TEP1: variants seen among roughly 807,000 people sequenced by gnomAD.
TEP1 encodes the protein telomerase associated protein 1.
A neutral mutation model predicts 306.3 loss-of-function variants in TEP1; 241 were observed. The observed-to-expected ratio is 0.79, with a 90% CI of 0.71 to 0.88. The LOEUF (loss-of-function observed/expected upper bound fraction) is 0.88, where lower values mean the gene tolerates loss of function less well. Among genes scored for constraint, TEP1 ranks in the 40% least tolerant of loss-of-function variants. TEP1 has a pLI of 0.00. For missense variants in TEP1, 3,051 were observed against 3,276.1 expected, an observed-to-expected ratio of 0.93 and a Z score of 1.68; for synonymous variants, 1,289 against 1,305.5, an observed-to-expected ratio of 0.99 and a Z score of 0.27.
rs1205212924 is a variant in TEP1, at chr14:20,381,444, C to T, written c.4559-43G>A. 1 of 1,613,194 alleles carries T rather than the reference C, an allele frequency of 6.2e-7. No homozygotes were observed. The highest frequency in any genetic ancestry group is 8.5e-7 in the Non-Finnish European group (1 of 1,179,762). ...GAGAAAGGCTCAGCCCTGCATCATT[C>T]CCAAGGGCAGTAGGTGAGCTGGCCA... On this transcript the variant is annotated intron_variant, in intron 31 of 54. Coordinates refer to ENST00000262715, the MANE Select transcript of TEP1 (RefSeq NM_007110.5). This position sits in a 1 kb window ranked among gnomAD's most constrained non-coding sequence, Gnocchi z 4.0.
intron 17 of TEP1, 75 bp downstream of exon 17, chr14:20,389,163 T>C: frequency 1.6e-6 from 2 of 1,218,960 alleles, no homozygotes; most frequent in East Asian, 2.4e-5. Context: ...AAAAAAAAAG[T>C]GACTGGAGTA....
chr14:20,399,632 TAAAAA>T (rs71416944), intron 9 of TEP1, among the ~76,000 whole-genome samples: 3 of 78,598 alleles, frequency 3.8e-5, no homozygotes, highest in South Asian at 4.5e-4. Flanking sequence ...CCCTGTTTCT[TAAAAA>T]AAAAAAAAAA....
rs1301305656 is a variant in TEP1, at chr14:20,381,236, TG to T, written c.4647+76del. 1.4e-6 allele frequency: 2 copies of T among 1,447,132 alleles called. No homozygotes were observed. Among genetic ancestry groups the T allele is most frequent in the Non-Finnish European group, 1.9e-6 (2 of 1,028,786 alleles). The allele number at this position is 1,447,132 out of a possible 1,614,324, so 89.6% of individuals were successfully genotyped here. ...GTAATGGCGGCGGTGATGGTGGAGATGGTAACGGGGAGAGGGGTCTCAGAGC... is the reference window on the plus strand; with the variant it reads ...GTAATGGCGGCGGTGATGGTGGAGATGTAACGGGGAGAGGGGTCTCAGAGC... On this transcript the variant is annotated intron_variant, in intron 32 of 54. Transcript: ENST00000262715. This position sits in a 1 kb window ranked among gnomAD's most constrained non-coding sequence, Gnocchi z 4.0.
chr14:20,387,486 A>G (rs1877294019), intron 18 of TEP1, among the ~76,000 whole-genome samples: 1 of 149,956 alleles, frequency 6.7e-6, no homozygotes, highest in Non-Finnish European at 1.5e-5. Flanking sequence ...CAGGAGGCAG[A>G]GCTTGCAGTG....
In TEP1 at chr14:20,380,884, A is replaced by G. The variant is rs765792099; in HGVS notation, c.4762+47T>C. On this transcript the variant is annotated intron_variant, in intron 33 of 54. Transcript: ENST00000262715. Reference sequence around the variant, plus strand: ...GAGCAGGGCCCCCATAAGCACACCCAGGAGTCCCATATCTCAGAGAAGAAC... The same window carrying G: ...GAGCAGGGCCCCCATAAGCACACCCGGGAGTCCCATATCTCAGAGAAGAAC... The G allele has an allele frequency of 4.6e-6, 7 of 1,510,912 alleles. No individual in the cohort carries two copies. In the Admixed American group the frequency reaches 6.7e-5, roughly 14 times the overall value. 93.6% of individuals were successfully genotyped at this position (1,510,912 alleles called of 1,614,324 possible). A position where few individuals can be genotyped will look rare whatever the true frequency, so the allele number is the denominator to read the frequency against.
chr14:20,387,551 C>CAATAAAAAAAAAAAAAAAAAAAA (rs1877303735), intron 18 of TEP1, among the ~76,000 whole-genome samples: 1 of 127,704 alleles, frequency 7.8e-6, no homozygotes, highest in Non-Finnish European at 1.7e-5. Context: ...GACTCCGTCT[C>CAATAAAAAAAAAAAAAAAAAAAA]AAAAAAAAAA....
chr14:20,370,870 A>T (rs1314093833), intron 51 of TEP1, among the ~76,000 whole-genome samples: 1 of 152,252 alleles, frequency 6.6e-6, no homozygotes, highest in African/African-American at 2.4e-5. Context: ...CTATTAAGTA[A>T]CTGCTAAGTA....
intron 33 of TEP1, 66 bp downstream of exon 33, chr14:20,380,865 G>A: frequency 2.9e-6 from 4 of 1,361,824 alleles, no homozygotes; most frequent in Admixed American, 3.5e-5. Flanking sequence ...CCCTGAGCAG[G>A]GCCCCCATAA....
intron 20 of TEP1, 148 bp from the exon 21 acceptor site, chr14:20,385,257 G>GT (rs1193160516): frequency 1.1e-6 from 1 of 951,498 alleles, no homozygotes; most frequent in Non-Finnish European, 1.5e-6. Context: ...AATAGCTAAT[G>GT]TTTTTTATTT....
At chr14:20,370,731 T>G (rs951424539) in intron 51 of TEP1, among the ~76,000 whole-genome samples, 1 of 152,218 alleles carries the variant, frequency 6.6e-6, no homozygotes, top group Non-Finnish European at 1.5e-5. Flanking sequence ...AGCATAGGCT[T>G]TAGTAGATAA....
intron 7 of TEP1, 74 bp from the exon 8 acceptor site, chr14:20,401,655 T>C (rs1006958518): frequency 5.7e-6 from 9 of 1,581,096 alleles, no homozygotes; most frequent in South Asian, 4.7e-5. Context: ...ATAAAGCAGA[T>C]TGTAAGACCA....
chr14:20,408,682 A>C (rs1186579385), intron 1 of TEP1, among the ~76,000 whole-genome samples: 1 of 152,176 alleles, frequency 6.6e-6, no homozygotes, highest in Non-Finnish European at 1.5e-5. Context: ...AGAAATTAAG[A>C]AAAGGCCAGG....
At chr14:20,376,312 A>T (rs772412060) in intron 41 of TEP1, 48 bp from the exon 42 acceptor site, 2 of 1,586,526 alleles carry the variant, frequency 1.3e-6, no homozygotes, top group East Asian at 4.5e-5. Flanking sequence ...AGAGGAAGCC[A>T]GACAGGCCCT....
chr14:20,394,752 C>T (rs1483879537), intron 12 of TEP1, among the ~76,000 whole-genome samples: 2 of 152,152 alleles, frequency 1.3e-5, no homozygotes, highest in African/African-American at 4.8e-5. Flanking sequence ...CCTCGGCCTC[C>T]CAAAGTTCTG....
Position 20,382,367 on chromosome 14 carries a change from G to T in TEP1, c.4141-11C>A, listed in dbSNP as rs377744214. ...GAGTCTCTCAGACACCTAGGATGGC[G>T]GGAGGACAGCCTTGTTCAGTGCAGT... On this transcript the variant is annotated splice_polypyrimidine_tract_variant and intron_variant, in intron 28 of 54. Transcript: ENST00000262715. 16 of 1,600,746 alleles carry T rather than the reference G, an allele frequency of 1.0e-5. No homozygotes were observed. The highest frequency in any genetic ancestry group is 1.7e-5 in the Admixed American group (1 of 59,096).
chr14:20,383,633 C>CATGT lies in TEP1; in HGVS notation c.3721_3722insACAT (p.Trp1241TyrfsTer14), dbSNP rs760943517. 7.4e-6 allele frequency: 12 copies of CATGT among 1,613,492 alleles called. No homozygotes were observed. Among genetic ancestry groups the CATGT allele is most frequent in the Middle Eastern group, 1.6e-4 (1 of 6,062 alleles). ...GGGCAGCAGCCTCTGCTGCAGCTCC[C>CATGT]ACACCAGGCTTCTGTACATGGAGAG... On this transcript the variant is annotated frameshift_variant, in exon 26 of 55. Coordinates refer to ENST00000262715, the MANE Select transcript of TEP1 (RefSeq NM_007110.5). LOFTEE classifies it high-confidence loss of function.
chr14:20,388,667 A>T (rs1482519314), intron 17 of TEP1, among the ~76,000 whole-genome samples: 1 of 152,228 alleles, frequency 6.6e-6, no homozygotes, highest in Admixed American at 6.5e-5. Context: ...TTCCTACTGG[A>T]TATAATACAA....
In TEP1 at chr14:20,401,091, C is replaced by T; in HGVS notation, c.1442G>A (p.Trp481Ter). Reference protein sequence around the residue: ...LFSRSRLPGPWDSSRAGKRMK... With the variant: ...LFSRSRLPGP Reference sequence around the variant, plus strand: ...CCTCTTCCCAGCTCTGCTAGAATCCCAAGGCCCAGGAAGGCGACTTCGAGA... The same window carrying T: ...CCTCTTCCCAGCTCTGCTAGAATCCTAAGGCCCAGGAAGGCGACTTCGAGA... Residue 481 changes from tryptophan to a stop codon, truncating the protein, a stop_gained, in exon 9 of 55, where the codon TGG (tryptophan) becomes TAG (stop). Coordinates refer to ENST00000262715, the MANE Select transcript of TEP1 (RefSeq NM_007110.5). LOFTEE classifies it high-confidence loss of function. The T allele has an allele frequency of 2.5e-6, 4 of 1,614,174 alleles. No homozygotes were observed. The highest frequency in any genetic ancestry group is 3.4e-6 in the Non-Finnish European group (4 of 1,180,044).
chr14:20,376,358 G>T, intron 41 of TEP1, 94 bp from the exon 42 acceptor site: 1 of 1,323,038 alleles, frequency 7.6e-7, no homozygotes, highest in East Asian at 2.4e-5. Context: ...TGGGGGCTGA[G>T]GGTGACACCT....
Sources: allele counts gnomAD v4.1 joint callset (sites outside exome capture counted in the v4.1 genomes callset), GRCh38; gene constraint gnomAD v4.1.1; non-coding constraint Gnocchi (gnomAD v3.1); transcripts MANE v1.5; gene names NCBI Gene and HGNC (gene_info 2026-07-23, HGNC 2026-07-21).